ACTR3: variants seen among roughly 807,000 people sequenced by gnomAD.
The protein encoded by ACTR3 is actin-related protein 3.
In ACTR3, 12 loss-of-function variants were observed where a neutral mutation model predicts 56.8. That is an observed-to-expected ratio of 0.21 (90% CI 0.14 to 0.34). The LOEUF (loss-of-function observed/expected upper bound fraction) is 0.34, where lower values mean the gene tolerates loss of function less well. Ranked by LOEUF, ACTR3 falls within the 10% of genes least tolerant of loss-of-function variation. ACTR3 has a pLI of 1.00. For missense variants in ACTR3, 282 were observed against 512.5 expected (o/e 0.55, Z 4.34); for synonymous variants, 162 against 167.4 (o/e 0.97, Z 0.25).
At chr2:113,949,521 A>T (rs1680083677) in intron 8 of ACTR3, among the ~76,000 whole-genome samples, 1 of 152,042 alleles carries the variant, frequency 6.6e-6, no homozygotes, top group African/African-American at 2.4e-5. Flanking sequence ...ATGGCTGAGG[A>T]GATATACAAT....
Position 113,957,607 on chromosome 2 carries a change from A to G in ACTR3, c.*152A>G. On this transcript the variant is annotated 3_prime_UTR_variant, in exon 12 of 12. Coordinates refer to ENST00000263238, the MANE Select transcript of ACTR3 (RefSeq NM_005721.5). ...TATACAGGAATATTTTAATAAGTGTATCACCATGCAGATGTAGAAGAGAGC... is the reference window on the plus strand; with the variant it reads ...TATACAGGAATATTTTAATAAGTGTGTCACCATGCAGATGTAGAAGAGAGC... 2 of 565,610 alleles carry G rather than the reference A, an allele frequency of 3.5e-6. No homozygotes were observed. Among genetic ancestry groups the G allele is most frequent in the Non-Finnish European group, 6.4e-6 (2 of 313,716 alleles). The allele number at this position is 565,610 out of a possible 1,614,324, so 35.0% of individuals were successfully genotyped here.
intron 6 of ACTR3, among the ~76,000 whole-genome samples, chr2:113,939,247 C>T (rs939907619): frequency 2.0e-5 from 3 of 152,092 alleles, no homozygotes; most frequent in African/African-American, 7.2e-5. Context: ...TGGTCTCGAT[C>T]TCCTGACCTC....
At chr2:113,928,808 C>G (rs1184567412) in intron 4 of ACTR3, among the ~76,000 whole-genome samples, 4 of 152,112 alleles carry the variant, frequency 2.6e-5, no homozygotes, top group Non-Finnish European at 5.9e-5. Context: ...GTAACCTAAA[C>G]TCTTACCAAG....
At chr2:113,912,918 A>G (rs928287932) in intron 1 of ACTR3, among the ~76,000 whole-genome samples, 2 of 107,218 alleles carry the variant, frequency 1.9e-5, no homozygotes, top group Admixed American at 1.8e-4. Context: ...GTAGCTAATG[A>G]CCTTGATTGT....
intron 1 of ACTR3, among the ~76,000 whole-genome samples, chr2:113,895,083 T>C (rs1012415845): frequency 3.5e-5 from 2 of 57,020 alleles, no homozygotes; most frequent in South Asian, 1.2e-3. Context: ...CCCCTGCCGA[T>C]ATGTGAATGC....
At chr2:113,942,112 C>A in intron 7 of ACTR3, 74 bp from the exon 8 acceptor site, 5 of 1,123,560 alleles carry the variant, frequency 4.5e-6, no homozygotes, top group Non-Finnish European at 6.1e-6. Context: ...TTATAGTTTA[C>A]TGAAAACATG....
chr2:113,949,647 G>A (rs890382329), intron 8 of ACTR3, among the ~76,000 whole-genome samples: 10 of 151,918 alleles, frequency 6.6e-5, no homozygotes, highest in African/African-American at 1.5e-4. Flanking sequence ...GTGTAACCTC[G>A]AATTCCTAGG....
At chr2:113,913,853 C>T (rs1287265846) in intron 2 of ACTR3, among the ~76,000 whole-genome samples, 1 of 152,134 alleles carries the variant, frequency 6.6e-6, no homozygotes, top group Non-Finnish European at 1.5e-5. Flanking sequence ...TGTTAGTGCT[C>T]GTTTGTTAGC....
Position 113,961,690 on chromosome 2 carries a change from A to G in ACTR3, c.*4235A>G, listed in dbSNP as rs559453293. ...AAGTACTGTGCATAAAGATGAATAA[A>G]TATTCTGTCCTTGGCTTAGTCTAAT... On this transcript the variant is annotated 3_prime_UTR_variant, in exon 12 of 12. Transcript: ENST00000263238. The G allele has an allele frequency of 1.9e-4, 29 of 152,118 alleles. No homozygotes were observed. The highest frequency in any genetic ancestry group is 6.8e-3 in the Middle Eastern group (2 of 294). 9.4% of individuals were successfully genotyped at this position (152,118 alleles called of 1,614,324 possible).
chr2:113,958,747 A>G lies in ACTR3; in HGVS notation c.*1292A>G, dbSNP rs542581419. ...TTAAAATTTTACCAGTTATTTATAGAAAGAGAAAATGGGAAATGTTTTATA... is the reference window on the plus strand; with the variant it reads ...TTAAAATTTTACCAGTTATTTATAGGAAGAGAAAATGGGAAATGTTTTATA... On this transcript the variant is annotated 3_prime_UTR_variant, in exon 12 of 12. Transcript: ENST00000263238. The G allele has an allele frequency of 1.3e-4, 20 of 152,136 alleles. No individual in the cohort carries two copies. The highest frequency in any genetic ancestry group is 4.8e-4 in the African/African-American group (20 of 41,556). The allele number at this position is 152,136 out of a possible 1,614,324, so 9.4% of individuals were successfully genotyped here.
intron 5 of ACTR3, among the ~76,000 whole-genome samples, chr2:113,933,457 G>A (rs997929414): frequency 1.1e-4 from 16 of 152,180 alleles, no homozygotes; most frequent in African/African-American, 3.1e-4. Flanking sequence ...GCGGTGAGCC[G>A]AGATCGTGCC....
intron 3 of ACTR3, among the ~76,000 whole-genome samples, chr2:113,926,862 T>C (rs1371969003): frequency 6.6e-6 from 1 of 151,892 alleles, no homozygotes; most frequent in African/African-American, 2.4e-5. Context: ...TTATAAAACT[T>C]TTCTTATAAC....
rs1559483853 is a variant in ACTR3, at chr2:113,940,024, T to C, written c.606T>C (p.Tyr202=). The C allele has an allele frequency of 1.9e-6, 3 of 1,613,474 alleles. No individual in the cohort carries two copies. Among genetic ancestry groups the C allele is most frequent in the East Asian group, 4.5e-5 (2 of 44,768 alleles). Residue 202 remains tyrosine, a synonymous_variant, in exon 7 of 12, where the codon TAT becomes TAC. Coordinates refer to ENST00000263238, the MANE Select transcript of ACTR3 (RefSeq NM_005721.5). ...HIPIAGRDIT[Y]FIQQLLRDRE... is the part of the protein sequence containing the mutation. ...CAATCGCAGGACGAGATATAACATATTTTATTCAGCAACTGCTGAGAGACC... is the reference window on the plus strand; with the variant it reads ...CAATCGCAGGACGAGATATAACATACTTTATTCAGCAACTGCTGAGAGACC...
At chr2:113,893,316 A>G (rs1678942827) in intron 1 of ACTR3, among the ~76,000 whole-genome samples, 1 of 151,314 alleles carries the variant, frequency 6.6e-6, no homozygotes, top group Non-Finnish European at 1.5e-5. Flanking sequence ...TTGTTTTGAG[A>G]TGGAGTCTTG....
chr2:113,890,561 C>A, intron 1 of ACTR3: 2 of 1,368,902 alleles, frequency 1.5e-6, no homozygotes, highest in Non-Finnish European at 1.9e-6. Context: ...ACCCTCCCAG[C>A]GGCTTTCTCC....
chr2:113,894,422 A>G (rs1292130362), intron 1 of ACTR3, among the ~76,000 whole-genome samples: 1 of 152,226 alleles, frequency 6.6e-6, no homozygotes, highest in Non-Finnish European at 1.5e-5. Context: ...CCATCTCCAA[A>G]GGCAGAAATA....
At chr2:113,899,890 TG>T (rs1288614384) in intron 1 of ACTR3, among the ~76,000 whole-genome samples, 1 of 152,216 alleles carries the variant, frequency 6.6e-6, no homozygotes, top group Non-Finnish European at 1.5e-5. Flanking sequence ...ATATTTCTGT[TG>T]GGAGCTGTGG....
chr2:113,898,488 A>G (rs1193770919), intron 1 of ACTR3, among the ~76,000 whole-genome samples: 1 of 152,174 alleles, frequency 6.6e-6, no homozygotes, highest in African/African-American at 2.4e-5. Context: ...GAAATTAAGT[A>G]ATTGGAATAA....
chr2:113,903,486 T>C (rs1168959978), intron 1 of ACTR3, among the ~76,000 whole-genome samples: 1 of 151,914 alleles, frequency 6.6e-6, no homozygotes, highest in Admixed American at 6.6e-5. Context: ...GTGCCTCAGC[T>C]TCCTGAGTAG....
Sources: gnomAD v4.1 joint callset for allele counts (sites outside exome capture counted in the v4.1 genomes callset) on GRCh38, gnomAD v4.1.1 for gene constraint, MANE v1.5 for transcripts, NCBI Gene and HGNC (gene_info 2026-07-23, HGNC 2026-07-21) for gene names.